The following DPP10 variants were observed in gnomAD, a reference collection of about 807,000 sequenced individuals.
The protein encoded by DPP10 is inactive dipeptidyl peptidase 10.
A neutral mutation model predicts 120.9 loss-of-function variants in DPP10; 33 were observed. The ratio of observed to expected loss-of-function variants is 0.27; its 90% CI spans 0.21 to 0.37. The LOEUF (loss-of-function observed/expected upper bound fraction) is 0.37. DPP10 is among the 10% of genes least tolerant of loss of function. The probability of loss-of-function intolerance (pLI) is 1.00; values close to 1 mark genes in which losing one functional copy is unlikely to be tolerated. For synonymous variants in DPP10, 337 were observed against 326.1 expected (o/e 1.03, Z -0.36); for missense variants, 816 against 942.8 (o/e 0.87, Z 1.76).
At chr2:114,550,518 T>G (rs1176878588) in intron 1 of DPP10, among the ~76,000 whole-genome samples, 1 of 152,222 alleles carries the variant, frequency 6.6e-6, no homozygotes, top group African/African-American at 2.4e-5. Flanking sequence ...GTCGGTGCTT[T>G]TAGCCCTGGC....
chr2:114,557,992 A>G (rs923052248), intron 1 of DPP10, among the ~76,000 whole-genome samples: 1 of 152,190 alleles, frequency 6.6e-6, no homozygotes, highest in Non-Finnish European at 1.5e-5. Context: ...ATCATCAGGC[A>G]CAGAACATCT....
chr2:115,596,644 A>G lies in DPP10; in HGVS notation c.441+70672A>G, dbSNP rs2083006450. On this transcript the variant is annotated intron_variant, in intron 5 of 25. Transcript: ENST00000410059. ...AATTCTAAAGGGACAGCTCTTGTAA[A>G]ACAAAGTAGAAAATTTATATCTTAG... Among the ~76,000 whole-genome samples the G allele has an allele frequency of 3.3e-5, 5 of 152,142 alleles. No individual in the cohort carries two copies. In the South Asian group the frequency reaches 1.0e-3, roughly 31 times the overall value.
intron 5 of DPP10, among the ~76,000 whole-genome samples, chr2:115,577,230 A>G (rs760626606): frequency 6.6e-6 from 1 of 152,144 alleles, no homozygotes; most frequent in Non-Finnish European, 1.5e-5. Context: ...TGCTGCGTCT[A>G]ATATCTCTTC....
chr2:115,252,963 T>A (rs1217463597), intron 1 of DPP10, among the ~76,000 whole-genome samples: 1 of 152,248 alleles, frequency 6.6e-6, no homozygotes, highest in African/African-American at 2.4e-5. Context: ...AATCTCAGTG[T>A]ATTAGGCTAT....
intron 1 of DPP10, among the ~76,000 whole-genome samples, chr2:115,018,015 A>G (rs1046465565): frequency 1.6e-4 from 24 of 152,004 alleles, no homozygotes; most frequent in Non-Finnish European, 3.1e-4. Context: ...TAAAAAAAAA[A>G]AGAGAAAAAC....
At chr2:115,014,523 G>A (rs184505465) in intron 1 of DPP10, among the ~76,000 whole-genome samples, 6,454 of 151,840 alleles carry the variant, frequency 0.043, 215 homozygotes, top group Admixed American at 0.098. Context: ...TTAGAGACAC[G>A]AAAAACCCTT....
chr2:115,261,099 G>A (rs1395374155), intron 1 of DPP10, among the ~76,000 whole-genome samples: 1 of 152,146 alleles, frequency 6.6e-6, no homozygotes, highest in Non-Finnish European at 1.5e-5. Flanking sequence ...ATTATGAGGA[G>A]GAGCTATAGT....
intron 1 of DPP10, among the ~76,000 whole-genome samples, chr2:115,216,995 C>T (rs938279826): frequency 1.5e-4 from 23 of 152,028 alleles, no homozygotes; most frequent in African/African-American, 4.6e-4. Flanking sequence ...ACAGCACACA[C>T]GTCAAATAGA....
intron 4 of DPP10, among the ~76,000 whole-genome samples, chr2:115,520,387 G>A (rs1056720004): frequency 6.6e-6 from 1 of 152,118 alleles, no homozygotes; most frequent in Non-Finnish European, 1.5e-5. Flanking sequence ...GCTGGAGGTT[G>A]AGGGAGCAGG....
At chr2:115,800,099 G>C (rs1685013636) in intron 19 of DPP10, among the ~76,000 whole-genome samples, 1 of 150,884 alleles carries the variant, frequency 6.6e-6, no homozygotes, top group African/African-American at 2.4e-5. Flanking sequence ...AGCACCTGTT[G>C]TTTCCTGACT....
intron 3 of DPP10, among the ~76,000 whole-genome samples, chr2:115,382,238 A>T (rs966648016): frequency 1.3e-5 from 2 of 152,246 alleles, no homozygotes; most frequent in Admixed American, 1.3e-4. Flanking sequence ...CCTCTGAGCC[A>T]TGTGCGGGAT....
rs59623905 is a variant in DPP10 at position 114,891,068 on chromosome 2, AT to A, written c.61-418159del. Reference sequence around the variant, plus strand: ...ATGCTACTATTTAAAATGAAAACTGATTTTTTTTTTTTGGTAAAAGAGACTG... The same window carrying A: ...ATGCTACTATTTAAAATGAAAACTGATTTTTTTTTTTGGTAAAAGAGACTG... On this transcript the variant is annotated intron_variant, in intron 1 of 25. Transcript: ENST00000410059. Among the ~76,000 whole-genome samples the A allele has an allele frequency of 6.4e-4, 94 of 147,372 alleles. 1 individual carries two copies. Among genetic ancestry groups the A allele is most frequent in the South Asian group, 1.7e-3 (8 of 4,672 alleles).
chr2:115,412,394 T>A (rs2069021864), intron 3 of DPP10, among the ~76,000 whole-genome samples: 4 of 152,196 alleles, frequency 2.6e-5, no homozygotes, highest in Admixed American at 2.6e-4. Flanking sequence ...TCTAGATTAA[T>A]GGAGAATACA....
chr2:115,745,562 G>T (rs1271563234), intron 9 of DPP10, among the ~76,000 whole-genome samples: 1 of 150,564 alleles, frequency 6.6e-6, no homozygotes, highest in Non-Finnish European at 1.5e-5. Flanking sequence ...TGTTTAAAAG[G>T]AAAGCCCGGG....
intron 1 of DPP10, among the ~76,000 whole-genome samples, chr2:114,613,711 A>C (rs1693457183): frequency 6.6e-6 from 1 of 152,182 alleles, no homozygotes; most frequent in Admixed American, 6.5e-5. Flanking sequence ...AAGACTTGGA[A>C]CCAACCCAAA....
chr2:114,717,661 T>C (rs944122072), intron 1 of DPP10, among the ~76,000 whole-genome samples: 2 of 152,204 alleles, frequency 1.3e-5, no homozygotes, highest in Admixed American at 1.3e-4. Context: ...ATAGTAGCCA[T>C]GTAATGAATG....
intron 1 of DPP10, among the ~76,000 whole-genome samples, chr2:115,291,541 C>T (rs1411059657): frequency 6.6e-6 from 1 of 152,060 alleles, no homozygotes; most frequent in Non-Finnish European, 1.5e-5. Flanking sequence ...ACTCATATCA[C>T]AATACATGTC....
intron 3 of DPP10, among the ~76,000 whole-genome samples, chr2:115,457,746 C>A (rs1029505068): frequency 1.3e-5 from 2 of 152,052 alleles, no homozygotes; most frequent in African/African-American, 4.8e-5. Flanking sequence ...GGGGAGACAA[C>A]GTGACAGTTT....
chr2:115,194,675 G>A (rs1034429403), intron 1 of DPP10, among the ~76,000 whole-genome samples: 3 of 152,044 alleles, frequency 2.0e-5, no homozygotes, highest in East Asian at 1.9e-4. Flanking sequence ...TGTTTTTAGG[G>A]CATAAGAGTC....
Sources: gnomAD v4.1 joint callset for allele counts (sites outside exome capture counted in the v4.1 genomes callset) on GRCh38, gnomAD v4.1.1 for gene constraint, MANE v1.5 for transcripts, NCBI Gene and HGNC (gene_info 2026-07-23, HGNC 2026-07-21) for gene names.